Variants in KCNH1 observed in about 807,000 individuals in gnomAD.
KCNH1 encodes voltage-gated delayed rectifier potassium channel KCNH1.
Under a neutral mutation model 69.2 loss-of-function variants are expected in KCNH1, and 27 were observed. That is an observed-to-expected ratio of 0.39 (90% CI 0.29 to 0.54). KCNH1 has a LOEUF of 0.54. Ranked by LOEUF, KCNH1 falls within the 20% of genes least tolerant of loss-of-function variation. KCNH1 has a pLI of 0.68. For missense variants in KCNH1, 798 were observed against 1,261.6 expected (o/e 0.63, Z 5.57); for synonymous variants, 456 against 487.7 (o/e 0.93, Z 0.86).
At chr1:210,736,525 A>C (rs1448651118) in intron 10 of KCNH1, among the ~76,000 whole-genome samples, 1 of 152,072 alleles carries the variant, frequency 6.6e-6, no homozygotes, top group Non-Finnish European at 1.5e-5. Flanking sequence ...CCTGGGCAAC[A>C]AGAGTGAAAC....
At chr1:210,946,672 T>C (rs1449385006) in intron 6 of KCNH1, among the ~76,000 whole-genome samples, 1 of 152,174 alleles carries the variant, frequency 6.6e-6, no homozygotes, top group East Asian at 1.9e-4. Context: ...CATAAGGCCC[T>C]TGTGGCCTGG....
chr1:210,921,266 T>C (rs1433044779), intron 6 of KCNH1, among the ~76,000 whole-genome samples: 1 of 152,194 alleles, frequency 6.6e-6, no homozygotes, highest in East Asian at 1.9e-4. Context: ...TCCGTTAGCT[T>C]TTTTCTACTT....
At chr1:211,002,944 C>T (rs1274085675) in intron 6 of KCNH1, among the ~76,000 whole-genome samples, 2 of 152,074 alleles carry the variant, frequency 1.3e-5, no homozygotes, top group South Asian at 2.1e-4. Context: ...AAACTGATCC[C>T]GGCAAAAAAT....
Position 211,031,539 on chromosome 1 carries a change from T to TCCATGATCATGATCATGAAA in KCNH1, c.559-12303_559-12284dup, listed in dbSNP as rs959270277. 1.1e-4 allele frequency among the ~76,000 whole-genome samples: 16 copies of TCCATGATCATGATCATGAAA among 152,274 alleles called. 1 individual carries two copies. The highest frequency in any genetic ancestry group is 3.1e-4 in the African/African-American group (13 of 41,552). ...ATCCAGCAGCACATCAAAAAGCTTATCCATGATCATGATCATGAAACCATG... is the reference window on the plus strand; with the variant it reads ...ATCCAGCAGCACATCAAAAAGCTTATCCATGATCATGATCATGAAACCATGATCATGATCATGAAACCATG... On this transcript the variant is annotated intron_variant, in intron 5 of 10. Transcript: ENST00000271751.
intron 10 of KCNH1, among the ~76,000 whole-genome samples, chr1:210,714,638 C>T (rs1036768158): frequency 6.6e-6 from 1 of 152,138 alleles, no homozygotes; most frequent in Non-Finnish European, 1.5e-5. Context: ...AAACAGGTAA[C>T]CCATGGCGCT....
intron 10 of KCNH1, among the ~76,000 whole-genome samples, chr1:210,687,190 C>A (rs1474698899): frequency 6.6e-6 from 1 of 152,184 alleles, no homozygotes; most frequent in Non-Finnish European, 1.5e-5. Flanking sequence ...AAACGGATCC[C>A]AAGAGGCTGT....
Position 210,928,836 on chromosome 1 carries a change from C to T in KCNH1, c.1033-8767G>A, listed in dbSNP as rs570514427. On this transcript the variant is annotated intron_variant, in intron 6 of 10. Coordinates refer to ENST00000271751, the MANE Select transcript of KCNH1 (RefSeq NM_172362.3). Reference sequence around the variant, plus strand: ...AGATCCAAATAAACTCAATTACAAACGAAACGAGAGATACTACAACTAATG... The same window carrying T: ...AGATCCAAATAAACTCAATTACAAATGAAACGAGAGATACTACAACTAATG... Among the ~76,000 whole-genome samples, 32 of 152,062 alleles carry T rather than the reference C, an allele frequency of 2.1e-4. No homozygotes were observed. The South Asian group carries it at 5.0e-3, about 24-fold the overall frequency.
intron 7 of KCNH1, among the ~76,000 whole-genome samples, chr1:210,844,410 A>G (rs1219752837): frequency 6.6e-6 from 1 of 152,212 alleles, no homozygotes; most frequent in Non-Finnish European, 1.5e-5. Context: ...ACTAGAACTC[A>G]GGATTAAGAA....
chr1:210,843,106 T>C (rs1685444931), intron 7 of KCNH1, among the ~76,000 whole-genome samples: 1 of 152,126 alleles, frequency 6.6e-6, no homozygotes, highest in Non-Finnish European at 1.5e-5. Context: ...CTAATACGGA[T>C]CCATTACAAG....
At chr1:210,704,145 C>T (rs543654110) in intron 10 of KCNH1, among the ~76,000 whole-genome samples, 2 of 152,076 alleles carry the variant, frequency 1.3e-5, no homozygotes, top group African/African-American at 4.8e-5. Flanking sequence ...TCTGGTGCCA[C>T]CTGAGAACAT....
At chr1:210,867,330 TACAC>T (rs57696942) in intron 7 of KCNH1, among the ~76,000 whole-genome samples, 2,507 of 144,186 alleles carry the variant, frequency 0.017, 19 homozygotes, top group African/African-American at 0.023. Flanking sequence ...TGTATATGTT[TACAC>T]ACACACACAC....
chr1:210,867,639 T>C (rs2102490255), intron 7 of KCNH1, among the ~76,000 whole-genome samples: 1 of 152,184 alleles, frequency 6.6e-6, no homozygotes, highest in African/African-American at 2.4e-5. Flanking sequence ...CAGAATATTT[T>C]TATTACCCCA....
chr1:210,803,961 CCTT>C lies in KCNH1; in HGVS notation c.1662+3_1662+5del, dbSNP rs754574329. 1.2e-5 allele frequency: 19 copies of C among 1,613,092 alleles called. No individual in the cohort carries two copies. The highest frequency in any genetic ancestry group is 2.7e-5 in the African/African-American group (2 of 74,912). On this transcript the variant is annotated splice_donor_5th_base_variant and intron_variant, in intron 8 of 10. Transcript: ENST00000271751. ...ATGGTTTCCCTGAGCTCCTCATCCT[CCTT>C]ACCTTCTCTGTGTCAATGCCTCTGG...
intron 10 of KCNH1, among the ~76,000 whole-genome samples, chr1:210,712,984 C>T (rs907946995): frequency 9.2e-5 from 14 of 152,136 alleles, no homozygotes; most frequent in Non-Finnish European, 1.6e-4. Flanking sequence ...GCAGATGACT[C>T]GTGCACATCC....
intron 10 of KCNH1, among the ~76,000 whole-genome samples, chr1:210,754,522 C>T (rs965417633): frequency 9.9e-5 from 15 of 151,964 alleles, no homozygotes; most frequent in African/African-American, 3.4e-4. Flanking sequence ...GTGTGGGTCA[C>T]GGGGGTGGAT....
intron 7 of KCNH1, among the ~76,000 whole-genome samples, chr1:210,805,165 C>G (rs1684523406): frequency 6.6e-6 from 1 of 152,182 alleles, no homozygotes; most frequent in South Asian, 2.1e-4. Flanking sequence ...TTTGCCTGTT[C>G]CCTGACAGTG....
At chr1:211,079,139 C>T (rs368851174) in intron 5 of KCNH1, among the ~76,000 whole-genome samples, 1 of 152,038 alleles carries the variant, frequency 6.6e-6, no homozygotes, top group Non-Finnish European at 1.5e-5. Flanking sequence ...GGGGTTATCA[C>T]CACCAATCCC....
intron 1 of KCNH1, among the ~76,000 whole-genome samples, chr1:211,113,953 GTC>G (rs57115003): frequency 0.016 from 2,155 of 132,834 alleles, 57 homozygotes; most frequent in African/African-American, 0.052. Context: ...CTCTCTCTCT[GTC>G]TCTCTCTCTC....
At chr1:210,851,065 G>A (rs1384362535) in intron 7 of KCNH1, among the ~76,000 whole-genome samples, 2 of 152,214 alleles carry the variant, frequency 1.3e-5, no homozygotes, top group African/African-American at 4.8e-5. Context: ...ATCCTCAGAA[G>A]ACAAAGCCAT....
Sources: allele counts gnomAD v4.1 joint callset (sites outside exome capture counted in the v4.1 genomes callset), GRCh38; gene constraint gnomAD v4.1.1; transcripts MANE v1.5; gene names NCBI Gene and HGNC (gene_info 2026-07-23, HGNC 2026-07-21).